P2RX7: variants seen among roughly 807,000 people sequenced by gnomAD.
The protein encoded by P2RX7 is purinergic receptor P2X 7, also known as P2X purinoceptor 7.
Under a neutral mutation model 71.6 loss-of-function variants are expected in P2RX7, and 62 were observed. The observed-to-expected ratio is 0.87, with a 90% CI of 0.71 to 1.07. P2RX7 has a LOEUF of 1.07. P2RX7 is among the 50% of genes least tolerant of loss of function. P2RX7 has a pLI of 0.00. For missense variants in P2RX7, 686 were observed against 748.5 expected (o/e 0.92, Z 0.97); for synonymous variants, 299 against 283.3 (o/e 1.06, Z -0.56).
chr12:121,153,715 C>A (rs189486331), intron 1 of P2RX7, among the ~76,000 whole-genome samples: 1 of 151,670 alleles, frequency 6.6e-6, no homozygotes, highest in African/African-American at 2.4e-5. Context: ...AGGCTGGGTG[C>A]GGTGGCGCAT....
chr12:121,137,642 T>A (rs1412546162), intron 1 of P2RX7, among the ~76,000 whole-genome samples: 1 of 152,184 alleles, frequency 6.6e-6, no homozygotes, highest in Non-Finnish European at 1.5e-5. Flanking sequence ...AGTACACAGT[T>A]TGGGAAATGC....
chr12:121,177,052 G>C (rs1883270895), intron 9 of P2RX7, 95 bp from the exon 10 acceptor site: 13 of 1,051,386 alleles, frequency 1.2e-5, no homozygotes, highest in South Asian at 5.4e-5. Context: ...CACAGCATGA[G>C]GCTCCGCTCC....
At chr12:121,163,535 G>C (rs942162780) in intron 5 of P2RX7, among the ~76,000 whole-genome samples, 7 of 151,922 alleles carry the variant, frequency 4.6e-5, no homozygotes, top group Non-Finnish European at 8.8e-5. Context: ...TTTTGAAAGA[G>C]ATGATAGATG....
chr12:121,166,530 T>G (rs1466769166), intron 7 of P2RX7, among the ~76,000 whole-genome samples: 2 of 152,176 alleles, frequency 1.3e-5, no homozygotes, highest in Admixed American at 6.5e-5. Flanking sequence ...TCCGGGACTT[T>G]AAGGGAGAAT....
intron 4 of P2RX7, among the ~76,000 whole-genome samples, chr12:121,162,023 C>T (rs115913335): frequency 0.016 from 2,500 of 152,196 alleles, 76 homozygotes; most frequent in African/African-American, 0.055. Context: ...GAAGATGTGC[C>T]ATGCTGATTT....
At position 121,187,789 on chromosome 12, in the gene P2RX7, A is replaced by T. The variant is rs1281955729; in HGVS notation, c.*2987A>T. On this transcript the variant is annotated 3_prime_UTR_variant, in exon 13 of 13. Transcript: ENST00000328963. ...GGTGATGAGAGTCACGTTTTGTAGGATCTGTTTTCTTATACTTAAAGACAG... is the reference window on the plus strand; with the variant it reads ...GGTGATGAGAGTCACGTTTTGTAGGTTCTGTTTTCTTATACTTAAAGACAG... 6.6e-6 allele frequency: 1 copy of T among 152,146 alleles called. No individual in the cohort carries two copies. The highest frequency in any genetic ancestry group is 6.6e-5 in the Admixed American group (1 of 15,262). The allele number at this position is 152,146 out of a possible 1,614,324, so 9.4% of individuals were successfully genotyped here. A position where few individuals can be genotyped will look rare whatever the true frequency, so the allele number is the denominator to read the frequency against.
At chr12:121,162,983 G>T (rs1169735) in intron 5 of P2RX7, among the ~76,000 whole-genome samples, 1 of 151,764 alleles carries the variant, frequency 6.6e-6, no homozygotes, top group South Asian at 2.1e-4. Context: ...AAGAGGGGGG[G>T]AAGGAAGTTT....
chr12:121,139,466 C>G (rs1874369273), intron 1 of P2RX7, among the ~76,000 whole-genome samples: 1 of 152,242 alleles, frequency 6.6e-6, no homozygotes, highest in Non-Finnish European at 1.5e-5. Flanking sequence ...CAGTCAGCCT[C>G]CACTGGCGCC....
intron 3 of P2RX7, among the ~76,000 whole-genome samples, chr12:121,157,909 G>A (rs1252481081): frequency 1.3e-5 from 2 of 152,194 alleles, no homozygotes; most frequent in Non-Finnish European, 2.9e-5. Flanking sequence ...AGCACTCAAT[G>A]AATGTCAGTT....
At chr12:121,181,468 A>G (rs1399236735) in intron 12 of P2RX7, among the ~76,000 whole-genome samples, 1 of 152,200 alleles carries the variant, frequency 6.6e-6, no homozygotes, top group Non-Finnish European at 1.5e-5. Context: ...GGTGCTGAAA[A>G]ATGGTTGTTC....
At chr12:121,138,237 C>T (rs546494004) in intron 1 of P2RX7, among the ~76,000 whole-genome samples, 14 of 152,366 alleles carry the variant, frequency 9.2e-5, no homozygotes, top group Admixed American at 2.6e-4. Flanking sequence ...GTCATCAGGA[C>T]GGATCCGTCT....
At chr12:121,176,956 T>C (rs940686051) in intron 9 of P2RX7, among the ~76,000 whole-genome samples, 191 bp from the exon 10 acceptor site, 1 of 152,146 alleles carries the variant, frequency 6.6e-6, no homozygotes, top group Non-Finnish European at 1.5e-5. Context: ...AAGCACACCC[T>C]GCACGGCTGA....
In P2RX7 at chr12:121,167,537, G is replaced by C. The variant is rs778980769; in HGVS notation, c.794G>C (p.Trp265Ser). Residue 265 changes from tryptophan to serine, a missense_variant, in exon 8 of 13, where the codon TGG becomes TCG. By Grantham distance (177) the Trp-to-Ser change is radical. Transcript: ENST00000328963. ...TACTGGGACTGCAACCTAGACCGTT[G>C]GTTCCATCACTGCCGTCCCAAATAC... ...EIYWDCNLDRWFHHCRPKYSF... is the reference protein window; with the variant it reads ...EIYWDCNLDRSFHHCRPKYSF... 2 of 1,613,730 alleles carry C rather than the reference G, an allele frequency of 1.2e-6. No homozygotes were observed. The highest frequency in any genetic ancestry group is 1.7e-6 in the Non-Finnish European group (2 of 1,179,818).
intron 3 of P2RX7, among the ~76,000 whole-genome samples, chr12:121,158,460 G>T (rs1441058631): frequency 6.6e-6 from 1 of 152,138 alleles, no homozygotes; most frequent in South Asian, 2.1e-4. Context: ...CTCCAGCAGG[G>T]TAGTCAAACT....
At chr12:121,152,246 G>T in intron 1 of P2RX7, among the ~76,000 whole-genome samples, 1 of 152,154 alleles carries the variant, frequency 6.6e-6, no homozygotes, top group Non-Finnish European at 1.5e-5. Flanking sequence ...CTCCCAAAAT[G>T]CTGAGATTAC....
intron 8 of P2RX7, among the ~76,000 whole-genome samples, chr12:121,172,332 TA>T (rs1195248786): frequency 1.3e-5 from 2 of 152,138 alleles, no homozygotes; most frequent in Non-Finnish European, 2.9e-5. Flanking sequence ...GCTTGCGAAT[TA>T]AAAAACAAAT....
At chr12:121,155,792 T>C (rs1878449245) in intron 2 of P2RX7, among the ~76,000 whole-genome samples, 1 of 146,176 alleles carries the variant, frequency 6.8e-6, no homozygotes, top group Non-Finnish European at 1.5e-5. Flanking sequence ...TTTTACTGCG[T>C]AAAAAAAAAA....
chr12:121,152,644 C>T (rs746434650), intron 1 of P2RX7, among the ~76,000 whole-genome samples: 4 of 152,324 alleles, frequency 2.6e-5, no homozygotes, highest in African/African-American at 4.8e-5. Context: ...CTCAGCCTCC[C>T]GAATAGGTGG....
At chr12:121,176,445 C>T (rs61953399) in intron 9 of P2RX7, among the ~76,000 whole-genome samples, 16,702 of 152,088 alleles carry the variant, frequency 0.11, 1,236 homozygotes, top group Non-Finnish European at 0.16. Flanking sequence ...ATGCAAAGAC[C>T]GCTGGGAATA....
Sources: gnomAD v4.1 joint callset for allele counts (sites outside exome capture counted in the v4.1 genomes callset) on GRCh38, gnomAD v4.1.1 for gene constraint, MANE v1.5 for transcripts, NCBI Gene and HGNC (gene_info 2026-07-23, HGNC 2026-07-21) for gene names.